ARSF: variants seen among roughly 807,000 people sequenced by gnomAD.
ARSF encodes the protein arylsulfatase F.
ARSF carries 33 observed loss-of-function variants against 35.4 expected under a neutral mutation model. The observed-to-expected ratio is 0.93, with a 90% CI of 0.71 to 1.25. The LOEUF (loss-of-function observed/expected upper bound fraction) is 1.25. Ranked by LOEUF, ARSF falls within the 50% of genes most tolerant of loss-of-function variation. The pLI is 0.00. For synonymous variants in ARSF, 222 were observed against 193.1 expected, an observed-to-expected ratio of 1.15 and a Z score of -1.24; for missense variants, 501 against 480.2, an observed-to-expected ratio of 1.04 and a Z score of -0.40.
intron 1 of ARSF, among the ~76,000 whole-genome samples, chrX:3,047,767 G>A (rs2089981283): frequency 9.0e-6 from 1 of 110,779 alleles, no homozygotes. Flanking sequence ...TTGGCTTAAT[G>A]ATGACCGGGA....
chrX:3,101,771 C>T (rs2090377925), intron 8 of ARSF, among the ~76,000 whole-genome samples: 1 of 111,930 alleles, frequency 8.9e-6, no homozygotes, highest in Non-Finnish European at 1.9e-5. Flanking sequence ...TAAGCTACTA[C>T]ATTGGCCAGT....
intron 3 of ARSF, among the ~76,000 whole-genome samples, chrX:3,074,798 G>A (rs1233965858): frequency 9.0e-6 from 1 of 111,108 alleles, no homozygotes; most frequent in Non-Finnish European, 1.9e-5. Flanking sequence ...ATCAAATAGA[G>A]GATTTATTCA....
chrX:3,063,899 A>G lies in ARSF; in HGVS notation c.-28-4174A>G, dbSNP rs182020064. Among the ~76,000 whole-genome samples, 4 of 112,044 alleles carry G rather than the reference A, an allele frequency of 3.6e-5. No homozygotes were observed. In the Admixed American group the frequency reaches 3.8e-4, roughly 11 times the overall value. On this transcript the variant is annotated intron_variant, in intron 1 of 10. Transcript: ENST00000381127. ...CTGCCCAAGGTAATTTATAGATTCA[A>G]TGTCATCTCCATCAAGCTACCAATG...
intron 9 of ARSF, among the ~76,000 whole-genome samples, chrX:3,105,266 A>G (rs5939448): frequency 0.15 from 16,797 of 111,379 alleles, 976 homozygotes; most frequent in Middle Eastern, 0.21. Context: ...ATCAAGACAC[A>G]TCCCCAAGTT....
intron 5 of ARSF, among the ~76,000 whole-genome samples, 186 bp from the exon 6 acceptor site, chrX:3,084,057 A>G (rs1258635293): frequency 8.9e-6 from 1 of 112,190 alleles, no homozygotes; most frequent in Non-Finnish European, 1.9e-5. Context: ...TCTGTAAACT[A>G]AAGAAGAACA....
At chrX:3,100,193 G>C (rs901186788) in intron 7 of ARSF, among the ~76,000 whole-genome samples, 3 of 112,136 alleles carry the variant, frequency 2.7e-5, no homozygotes, top group Non-Finnish European at 5.6e-5. Context: ...AAATAAGAAG[G>C]GAAGGGAAAA....
intron 9 of ARSF, among the ~76,000 whole-genome samples, chrX:3,109,770 A>AT (rs2090432279): frequency 8.9e-6 from 1 of 112,090 alleles, no homozygotes; most frequent in Non-Finnish European, 1.9e-5. Flanking sequence ...ATTACATAAA[A>AT]TTTTTTCAAA....
intron 4 of ARSF, among the ~76,000 whole-genome samples, chrX:3,079,510 G>T (rs1461868064): frequency 9.2e-6 from 1 of 108,790 alleles, no homozygotes; most frequent in Non-Finnish European, 1.9e-5. Context: ...ACGCCCAGCT[G>T]ATTTTGTATT....
At chrX:3,067,068 T>A (rs1028035764) in intron 1 of ARSF, among the ~76,000 whole-genome samples, 1 of 109,826 alleles carries the variant, frequency 9.1e-6, no homozygotes, top group Non-Finnish European at 1.9e-5. Context: ...TTTCTGTTAC[T>A]CTCATACCCT....
chrX:3,057,684 CAG>C (rs1248732648), intron 1 of ARSF, among the ~76,000 whole-genome samples: 1 of 111,684 alleles, frequency 9.0e-6, no homozygotes, highest in Non-Finnish European at 1.9e-5. Flanking sequence ...ATTTCCTGGC[CAG>C]ATGCTACCCT....
intron 7 of ARSF, among the ~76,000 whole-genome samples, chrX:3,099,594 C>T (rs1200710030): frequency 9.0e-6 from 1 of 111,599 alleles, no homozygotes; most frequent in Non-Finnish European, 1.9e-5. Flanking sequence ...GAATTAGCCC[C>T]AACAATGGTT....
intron 1 of ARSF, among the ~76,000 whole-genome samples, chrX:3,053,918 C>T (rs1246218357): frequency 9.1e-6 from 1 of 109,769 alleles, no homozygotes; most frequent in Non-Finnish European, 1.9e-5. Context: ...CCCACCACCA[C>T]ACCCGGCTAA....
intron 1 of ARSF, among the ~76,000 whole-genome samples, chrX:3,054,978 C>T (rs1357379379): frequency 9.3e-6 from 1 of 107,919 alleles, no homozygotes; most frequent in Non-Finnish European, 1.9e-5. Context: ...AGGCGATCTA[C>T]CCACTTCAGC....
At chrX:3,094,331 G>A (rs943245250) in intron 7 of ARSF, among the ~76,000 whole-genome samples, 1 of 111,776 alleles carries the variant, frequency 8.9e-6, no homozygotes, top group African/African-American at 3.2e-5. Context: ...AGGAAGGAGA[G>A]CTACATTCTT....
intron 4 of ARSF, among the ~76,000 whole-genome samples, chrX:3,078,875 C>T (rs1278058018): frequency 9.0e-6 from 1 of 111,204 alleles, no homozygotes; most frequent in African/African-American, 3.3e-5. Flanking sequence ...TCACCTCTAT[C>T]GAATTCTAGA....
chrX:3,108,803 G>A (rs903741517), intron 9 of ARSF, among the ~76,000 whole-genome samples: 1 of 111,555 alleles, frequency 9.0e-6, no homozygotes, highest in African/African-American at 3.3e-5. Flanking sequence ...GGTCACCTGA[G>A]GTCAGGAGTT....
chrX:3,085,610 T>G (rs780504580), intron 6 of ARSF, among the ~76,000 whole-genome samples: 13 of 111,014 alleles, frequency 1.2e-4, no homozygotes, highest in Non-Finnish European at 2.1e-4. Context: ...CCTCTTGTTG[T>G]TGGACCTTCT....
At chrX:3,046,991 A>G (rs1473787113) in intron 1 of ARSF, among the ~76,000 whole-genome samples, 1 of 110,386 alleles carries the variant, frequency 9.1e-6, no homozygotes, top group Non-Finnish European at 1.9e-5. Context: ...ATGTCGTAAC[A>G]TTTTCAGAAA....
intron 3 of ARSF, among the ~76,000 whole-genome samples, chrX:3,074,746 TG>T (rs2090133864): frequency 1.8e-5 from 2 of 111,424 alleles, no homozygotes; most frequent in South Asian, 7.6e-4. Context: ...CACCACAATC[TG>T]CAACAGATCT....
Sources: allele counts gnomAD v4.1 joint callset (sites outside exome capture counted in the v4.1 genomes callset), GRCh38; gene constraint gnomAD v4.1.1; transcripts MANE v1.5; gene names NCBI Gene and HGNC (gene_info 2026-07-23, HGNC 2026-07-21).